Variants in CACNA2D1 observed in about 807,000 individuals in gnomAD.
The protein encoded by CACNA2D1 is calcium voltage-gated channel auxiliary subunit alpha2delta 1.
CACNA2D1 carries 53 observed loss-of-function variants against 171.5 expected under a neutral mutation model. That is an observed-to-expected ratio of 0.31 (90% CI 0.25 to 0.39). The LOEUF is 0.39. CACNA2D1 is among the 10% of genes least tolerant of loss of function. The pLI is 1.00. For missense variants in CACNA2D1, 903 were observed against 1,299.8 expected, an observed-to-expected ratio of 0.69 and a Z score of 4.69; for synonymous variants, 442 against 443.1, an observed-to-expected ratio of 1.00 and a Z score of 0.03.
intron 10 of CACNA2D1, among the ~76,000 whole-genome samples, chr7:82,054,075 GA>G (rs1213509566): frequency 2.6e-5 from 4 of 152,006 alleles, no homozygotes; most frequent in Non-Finnish European, 5.9e-5. Context: ...TTTTTTTTAG[GA>G]AAATCAATGG....
chr7:82,299,603 T>A (rs1812751301), intron 3 of CACNA2D1, among the ~76,000 whole-genome samples: 1 of 150,758 alleles, frequency 6.6e-6, no homozygotes, highest in Non-Finnish European at 1.5e-5. Context: ...GAGGTTACAC[T>A]GAGCTGAGAT....
rs1369315700 is a variant in CACNA2D1 at position 82,050,512 on chromosome 7, G to A, written c.879+9916C>T. ...GGAGTCCCAAGATGAGGAAGTCCCT[G>A]ATCTTATACAGGGGCTTCTGATGGC... On this transcript the variant is annotated intron_variant, in intron 10 of 38. Transcript: ENST00000356860. 28 of 696,512 alleles carry A rather than the reference G, an allele frequency of 4.0e-5. 1 individual carries two copies. The highest frequency in any genetic ancestry group is 3.9e-4 in the South Asian group (26 of 66,952). 43.1% of individuals were successfully genotyped at this position (696,512 alleles called of 1,614,324 possible).
rs542285871 is a variant in CACNA2D1 at position 81,971,286 on chromosome 7, C to T, written c.2141+491G>A. On this transcript the variant is annotated intron_variant, in intron 26 of 38. Coordinates refer to ENST00000356860, the MANE Select transcript of CACNA2D1 (RefSeq NM_000722.4). ...GTGGAGGAATGGAGAACACTAAAGG[C>T]AGAAAAATCAGTTGCTGTGATTTCT... Among the ~76,000 whole-genome samples, 4 of 151,456 alleles carry T rather than the reference C, an allele frequency of 2.6e-5. No homozygotes were observed. In the South Asian group the frequency reaches 8.3e-4, roughly 31 times the overall value.
At chr7:82,416,298 G>A (rs953780537) in intron 1 of CACNA2D1, among the ~76,000 whole-genome samples, 2 of 152,038 alleles carry the variant, frequency 1.3e-5, no homozygotes, top group African/African-American at 4.8e-5. Flanking sequence ...GTATATGACA[G>A]TATGCTCCAC....
At chr7:82,332,204 G>A (rs1817386805) in intron 3 of CACNA2D1, among the ~76,000 whole-genome samples, 1 of 152,046 alleles carries the variant, frequency 6.6e-6, no homozygotes, top group East Asian at 1.9e-4. Context: ...TGGGATTACA[G>A]GCACCTGCCA....
chr7:82,291,354 T>C (rs1811542787), intron 3 of CACNA2D1, among the ~76,000 whole-genome samples: 1 of 134,460 alleles, frequency 7.4e-6, no homozygotes, highest in Non-Finnish European at 1.5e-5. Flanking sequence ...ATACATCTAT[T>C]TAGATATATA....
At chr7:82,163,715 A>C (rs1315992298) in intron 4 of CACNA2D1, among the ~76,000 whole-genome samples, 1 of 152,020 alleles carries the variant, frequency 6.6e-6, no homozygotes, top group Non-Finnish European at 1.5e-5. Flanking sequence ...TCCAGCTCAA[A>C]GACTTCACAC....
At chr7:82,080,125 C>CTA (rs200008970) in intron 7 of CACNA2D1, among the ~76,000 whole-genome samples, 88 of 135,778 alleles carry the variant, frequency 6.5e-4, no homozygotes, top group Non-Finnish European at 9.9e-4. Context: ...ATATGTACAC[C>CTA]TATATATATA....
At chr7:82,002,282 T>C (rs549148388) in intron 18 of CACNA2D1, among the ~76,000 whole-genome samples, 1 of 152,140 alleles carries the variant, frequency 6.6e-6, no homozygotes, top group South Asian at 2.1e-4. Flanking sequence ...CATGTGAGGT[T>C]AGAGTGAGAA....
intron 3 of CACNA2D1, among the ~76,000 whole-genome samples, chr7:82,221,914 G>A (rs1212286439): frequency 6.6e-6 from 1 of 151,210 alleles, no homozygotes; most frequent in Non-Finnish European, 1.5e-5. Flanking sequence ...TCTGAAAACT[G>A]AGCAGCTTTT....
intron 1 of CACNA2D1, among the ~76,000 whole-genome samples, chr7:82,374,853 G>C (rs954674315): frequency 2.6e-5 from 4 of 151,486 alleles, no homozygotes; most frequent in Non-Finnish European, 5.9e-5. Flanking sequence ...TGGATATGTA[G>C]ATTGTATCTG....
At chr7:82,372,898 T>C (rs979886606) in intron 1 of CACNA2D1, among the ~76,000 whole-genome samples, 7 of 152,072 alleles carry the variant, frequency 4.6e-5, no homozygotes, top group African/African-American at 1.7e-4. Flanking sequence ...ATAAACACAA[T>C]ATCAGGCCAG....
chr7:82,441,393 C>T lies in CACNA2D1; in HGVS notation c.95+1972G>A, dbSNP rs117732221. Among the ~76,000 whole-genome samples, 280 of 152,090 alleles carry T rather than the reference C, an allele frequency of 1.8e-3. 5 individuals carry two copies. In the East Asian group the frequency reaches 0.042, roughly 23 times the overall value. ...TTAAGTATTTCATTCATTAAATAAT[C>T]AATGTCTTATATAATTTGAAAATAT... On this transcript the variant is annotated intron_variant, in intron 1 of 38. Coordinates refer to ENST00000356860, the MANE Select transcript of CACNA2D1 (RefSeq NM_000722.4).
chr7:82,414,592 G>A (rs1475624571), intron 1 of CACNA2D1, among the ~76,000 whole-genome samples: 1 of 152,210 alleles, frequency 6.6e-6, no homozygotes, highest in Non-Finnish European at 1.5e-5. Flanking sequence ...ATTCCATCCA[G>A]GGAGGCCAGG....
At chr7:82,189,645 T>A (rs978082428) in intron 3 of CACNA2D1, among the ~76,000 whole-genome samples, 9 of 151,786 alleles carry the variant, frequency 5.9e-5, no homozygotes, top group African/African-American at 1.9e-4. Context: ...ACCAACTGAA[T>A]ATGGCAAGTC....
At chr7:82,253,264 T>C (rs1805887969) in intron 3 of CACNA2D1, among the ~76,000 whole-genome samples, 1 of 152,070 alleles carries the variant, frequency 6.6e-6, no homozygotes, top group Non-Finnish European at 1.5e-5. Context: ...GTATGGAAAA[T>C]GAATCAAATC....
rs1009724248 is a variant in CACNA2D1, at chr7:82,116,990, A to G, written c.526+54T>C. On this transcript the variant is annotated intron_variant, in intron 6 of 38. Transcript: ENST00000356860. ...TTTTTCCCCCTCAAACATGGGAAAC[A>G]TAAGACAGGCGAGAGCATGGTATTC... 4.6e-5 allele frequency: 74 copies of G among 1,599,922 alleles called. 1 individual carries two copies. The highest frequency in any genetic ancestry group is 3.3e-4 in the Middle Eastern group (2 of 6,058).
At chr7:82,008,524 G>A (rs1042591232) in intron 15 of CACNA2D1, among the ~76,000 whole-genome samples, 1 of 152,090 alleles carries the variant, frequency 6.6e-6, no homozygotes, top group Non-Finnish European at 1.5e-5. Flanking sequence ...TGATTTTCAA[G>A]TCAGAGTTTG....
intron 2 of CACNA2D1, among the ~76,000 whole-genome samples, chr7:82,344,176 G>A (rs916229093): frequency 2.0e-5 from 3 of 152,128 alleles, no homozygotes; most frequent in South Asian, 4.1e-4. Context: ...CAGTATGCAC[G>A]TAGCAACCAC....
Sources: gnomAD v4.1 joint callset for allele counts (sites outside exome capture counted in the v4.1 genomes callset) on GRCh38, gnomAD v4.1.1 for gene constraint, MANE v1.5 for transcripts, NCBI Gene and HGNC (gene_info 2026-07-23, HGNC 2026-07-21) for gene names.